NCK2: variants seen among roughly 807,000 people sequenced by gnomAD.
NCK2 encodes NCK adaptor protein 2.
Under a neutral mutation model 33.9 loss-of-function variants are expected in NCK2, and 16 were observed. The observed-to-expected ratio is 0.47, with a 90% CI of 0.32 to 0.72. The LOEUF is 0.72. Ranked by LOEUF, NCK2 falls within the 30% of genes least tolerant of loss-of-function variation. The pLI, the probability that NCK2 is intolerant of heterozygous loss-of-function variation, is 0.03. For synonymous variants in NCK2, 273 were observed against 239.9 expected (o/e 1.14, Z -1.27); for missense variants, 418 against 537.3 (o/e 0.78, Z 2.19).
chr2:105,859,889 G>A (rs1464318059), intron 3 of NCK2, among the ~76,000 whole-genome samples: 3 of 152,130 alleles, frequency 2.0e-5, no homozygotes, highest in Admixed American at 2.0e-4. Context: ...GCAGGCTCAC[G>A]GGCACACCTG....
chr2:105,796,678 C>G (rs1421330727), intron 1 of NCK2, among the ~76,000 whole-genome samples: 1 of 152,118 alleles, frequency 6.6e-6, no homozygotes, highest in Non-Finnish European at 1.5e-5. Context: ...TCCAGAAGCT[C>G]TCGGCATCAT....
intron 1 of NCK2, among the ~76,000 whole-genome samples, chr2:105,808,414 TC>T (rs1224014921): frequency 1.3e-5 from 2 of 152,250 alleles, no homozygotes; most frequent in African/African-American, 2.4e-5. Flanking sequence ...AGGGCTGGAC[TC>T]CCTGATACAT....
chr2:105,785,190 G>C (rs1263846128), intron 1 of NCK2, among the ~76,000 whole-genome samples: 1 of 152,170 alleles, frequency 6.6e-6, no homozygotes, highest in African/African-American at 2.4e-5. Context: ...GTGTTAGCCA[G>C]GATGGTCTCC....
intron 3 of NCK2, among the ~76,000 whole-genome samples, chr2:105,876,705 G>A (rs1231108779): frequency 6.6e-6 from 1 of 152,202 alleles, no homozygotes; most frequent in South Asian, 2.1e-4. Context: ...ACTTCAAATT[G>A]TGCTTCTGTT....
chr2:105,835,411 A>G (rs1164511030), intron 2 of NCK2, among the ~76,000 whole-genome samples: 21 of 121,896 alleles, frequency 1.7e-4, no homozygotes, highest in South Asian at 2.7e-4. Flanking sequence ...ATATACGTGT[A>G]TATATATATA....
chr2:105,858,064 T>G (rs2104592756), intron 3 of NCK2, among the ~76,000 whole-genome samples: 1 of 151,870 alleles, frequency 6.6e-6, no homozygotes, highest in African/African-American at 2.4e-5. Flanking sequence ...TTTTGTTTTT[T>G]TTTTTGCTAA....
At chr2:105,817,112 G>T (rs1313746547) in intron 2 of NCK2, among the ~76,000 whole-genome samples, 2 of 149,604 alleles carry the variant, frequency 1.3e-5, no homozygotes, top group African/African-American at 2.5e-5. Context: ...GGAGGCGGAG[G>T]TTGCAGTGAG....
At chr2:105,884,071 T>C (rs551131153) in intron 4 of NCK2, among the ~76,000 whole-genome samples, 48 of 152,264 alleles carry the variant, frequency 3.2e-4, no homozygotes, top group African/African-American at 1.1e-3. Flanking sequence ...TCCATGGGGA[T>C]TCTGCAAGAG....
At chr2:105,811,264 A>G (rs116697117) in intron 1 of NCK2, among the ~76,000 whole-genome samples, 2,643 of 152,044 alleles carry the variant, frequency 0.017, 40 homozygotes, top group Non-Finnish European at 0.021. Flanking sequence ...GTCCATTCCC[A>G]TATGTCCCAA....
chr2:105,746,278 C>T (rs1378855339), intron 1 of NCK2, among the ~76,000 whole-genome samples: 2 of 152,208 alleles, frequency 1.3e-5, no homozygotes, highest in Non-Finnish European at 2.9e-5. Context: ...CCAGCTCCGT[C>T]CCTCGACCCA....
rs188772375 is a variant in NCK2, at chr2:105,764,010, C to G, written c.-201+18872C>G. On this transcript the variant is annotated intron_variant, in intron 1 of 4. Coordinates refer to ENST00000233154, the MANE Select transcript of NCK2 (RefSeq NM_003581.5). The stretch of plus-strand genomic sequence containing the variant: ...GTGGCTGAGCATTTCATATGTGTTG[C>G]CTAATTTAGTCCTCTCTACAACCCC... 1.7e-3 allele frequency among the ~76,000 whole-genome samples: 259 copies of G among 152,288 alleles called. 2 individuals are homozygous for G. Among genetic ancestry groups the G allele is most frequent in the African/African-American group, 5.8e-3 (243 of 41,562 alleles).
intron 2 of NCK2, among the ~76,000 whole-genome samples, chr2:105,836,956 A>G (rs528860820): frequency 5.3e-5 from 8 of 152,342 alleles, no homozygotes; most frequent in South Asian, 4.1e-4. Context: ...CTCAAGGCCT[A>G]TGATGGCTCT....
chr2:105,806,765 G>A (rs567007943), intron 1 of NCK2, among the ~76,000 whole-genome samples: 17 of 152,054 alleles, frequency 1.1e-4, no homozygotes, highest in Non-Finnish European at 2.1e-4. Context: ...CATGCAGTGC[G>A]GTATTTTCAG....
At chr2:105,783,422 A>C (rs1193434760) in intron 1 of NCK2, among the ~76,000 whole-genome samples, 1 of 152,124 alleles carries the variant, frequency 6.6e-6, no homozygotes, top group Admixed American at 6.5e-5. Context: ...CCCGCGTGGA[A>C]CATGGTTTTT....
At chr2:105,828,404 G>A (rs1337565833) in intron 2 of NCK2, among the ~76,000 whole-genome samples, 4 of 152,030 alleles carry the variant, frequency 2.6e-5, no homozygotes, top group Admixed American at 1.3e-4. Flanking sequence ...ATTAATGTTG[G>A]TCAAATTTAA....
intron 1 of NCK2, among the ~76,000 whole-genome samples, chr2:105,800,708 T>G (rs955270659): frequency 6.6e-6 from 1 of 152,200 alleles, no homozygotes; most frequent in African/African-American, 2.4e-5. Flanking sequence ...TGGGACCAGT[T>G]GCAGGAGCAC....
rs759330804 is a variant in NCK2 at position 105,835,423 on chromosome 2, A to AT, written c.-17+18820dup. Reference sequence around the variant, plus strand: ...TATATATACGTGTATATATATATATATTTTTTTTTTGGTCAGCATTTTGAA... The same window carrying AT: ...TATATATACGTGTATATATATATATATTTTTTTTTTTGGTCAGCATTTTGAA... On this transcript the variant is annotated intron_variant, in intron 2 of 4. Coordinates refer to ENST00000233154, the MANE Select transcript of NCK2 (RefSeq NM_003581.5). Among the ~76,000 whole-genome samples, 233 of 102,098 alleles carry AT rather than the reference A, an allele frequency of 2.3e-3. 21 individuals are homozygous for AT. Among genetic ancestry groups the AT allele is most frequent in the Non-Finnish European group, 2.1e-3 (105 of 50,004 alleles). The allele number at this position is 102,098 out of a possible 152,430, so 67.0% of individuals were successfully genotyped here.
chr2:105,856,184 C>A (rs761380496), intron 3 of NCK2, among the ~76,000 whole-genome samples: 13 of 152,212 alleles, frequency 8.5e-5, no homozygotes, highest in Non-Finnish European at 1.3e-4. Context: ...GGGCAGTGCC[C>A]TCCTGGAGTT....
At chr2:105,883,973 A>G (rs1300742105) in intron 4 of NCK2, among the ~76,000 whole-genome samples, 2 of 152,152 alleles carry the variant, frequency 1.3e-5, no homozygotes, top group African/African-American at 4.8e-5. Flanking sequence ...CTGAGGTTCC[A>G]CGTGGCCTGA....
Sources: allele counts gnomAD v4.1 joint callset (sites outside exome capture counted in the v4.1 genomes callset), GRCh38; gene constraint gnomAD v4.1.1; transcripts MANE v1.5; gene names NCBI Gene and HGNC (gene_info 2026-07-23, HGNC 2026-07-21).